WWOX: variants seen among roughly 807,000 people sequenced by gnomAD.
The protein encoded by WWOX is WW domain containing oxidoreductase.
WWOX carries 69 observed loss-of-function variants against 46.2 expected under a neutral mutation model. That is an observed-to-expected ratio of 1.49 (90% CI 1.23 to 1.82). The LOEUF is 1.82. Among genes scored for constraint, WWOX ranks in the 40% most tolerant of loss-of-function variants. WWOX has a pLI of 0.00. For synonymous variants in WWOX, 359 were observed against 202.6 expected (o/e 1.77, Z -6.56); for missense variants, 919 against 542.6 (o/e 1.69, Z -6.89).
At chr16:78,767,102 CTTCCTTCCTTCCTTCT>C (rs1176889935) in intron 8 of WWOX, among the ~76,000 whole-genome samples, 33 of 144,458 alleles carry the variant, frequency 2.3e-4, no homozygotes, top group Middle Eastern at 3.4e-3. Context: ...CCTTTCCTCC[CTTCCTTCCTTCCTTCT>C]TTCCTTCCTT....
At chr16:78,983,536 C>T (rs796305028) in intron 8 of WWOX, among the ~76,000 whole-genome samples, 1 of 152,280 alleles carries the variant, frequency 6.6e-6, no homozygotes, top group African/African-American at 2.4e-5. Context: ...GTTAAGATCT[C>T]AGAATGAGTT....
intron 4 of WWOX, among the ~76,000 whole-genome samples, chr16:78,152,358 TGCC>T (rs2034446198): frequency 6.6e-6 from 1 of 151,162 alleles, no homozygotes; most frequent in African/African-American, 2.4e-5. Flanking sequence ...TCGTAGATAA[TGCC>T]GTACTGAATA....
intron 6 of WWOX, among the ~76,000 whole-genome samples, chr16:78,390,273 C>T (rs964493934): frequency 2.6e-5 from 4 of 152,346 alleles, no homozygotes; most frequent in South Asian, 2.1e-4. Flanking sequence ...CCAACTGTTA[C>T]ATAATAGGAT....
intron 8 of WWOX, among the ~76,000 whole-genome samples, chr16:79,172,420 T>G (rs2050717565): frequency 2.0e-5 from 3 of 152,152 alleles, no homozygotes; most frequent in Admixed American, 2.0e-4. Context: ...GTGTTTCTGC[T>G]CTGGGCTGCA....
At chr16:78,531,897 C>T (rs899826674) in intron 8 of WWOX, among the ~76,000 whole-genome samples, 2 of 152,018 alleles carry the variant, frequency 1.3e-5, no homozygotes, top group Admixed American at 1.3e-4. Flanking sequence ...ATTGTTTAAA[C>T]CTGCCAACTA....
At chr16:78,834,817 C>G (rs975720015) in intron 8 of WWOX, among the ~76,000 whole-genome samples, 1 of 152,060 alleles carries the variant, frequency 6.6e-6, no homozygotes, top group Non-Finnish European at 1.5e-5. Context: ...AAAAATTATG[C>G]AATATATAAA....
chr16:78,929,776 A>G (rs908836382), intron 8 of WWOX, among the ~76,000 whole-genome samples: 2 of 152,194 alleles, frequency 1.3e-5, no homozygotes, highest in Non-Finnish European at 2.9e-5. Flanking sequence ...GTCCAAGGTG[A>G]CCAGAATCTG....
intron 5 of WWOX, among the ~76,000 whole-genome samples, chr16:78,385,062 A>C (rs1243910547): frequency 6.6e-6 from 1 of 151,608 alleles, no homozygotes; most frequent in Non-Finnish European, 1.5e-5. Context: ...TGAGCCCAGG[A>C]AGTGGAGGTT....
chr16:78,523,534 C>G (rs1303209281), intron 8 of WWOX, among the ~76,000 whole-genome samples: 1 of 152,224 alleles, frequency 6.6e-6, no homozygotes, highest in Non-Finnish European at 1.5e-5. Flanking sequence ...CTTGTACTCT[C>G]TATCTGGGTG....
At chr16:78,753,801 CAAAAAAAAAAAA>C (rs869066028) in intron 8 of WWOX, among the ~76,000 whole-genome samples, 1 of 29,124 alleles carries the variant, frequency 3.4e-5, no homozygotes, top group Admixed American at 7.1e-4. Context: ...GACCCTATAT[CAAAAAAAAAAAA>C]AAAAAAAAAA....
intron 8 of WWOX, among the ~76,000 whole-genome samples, chr16:78,827,831 C>T (rs1056913591): frequency 7.2e-5 from 11 of 152,020 alleles, no homozygotes; most frequent in Admixed American, 3.3e-4. Flanking sequence ...GCAAGCAAGA[C>T]ACCATTTCAG....
At chr16:78,487,814 G>C (rs1475547193) in intron 8 of WWOX, among the ~76,000 whole-genome samples, 1 of 152,090 alleles carries the variant, frequency 6.6e-6, no homozygotes, top group Non-Finnish European at 1.5e-5. Flanking sequence ...ATTGTTTTTA[G>C]CCCTCCTTTT....
intron 5 of WWOX, among the ~76,000 whole-genome samples, chr16:78,244,348 A>G (rs189994475): frequency 5.9e-4 from 89 of 150,066 alleles, no homozygotes; most frequent in Non-Finnish European, 1.1e-3. Flanking sequence ...GGCATATTTC[A>G]TGTATTGCCT....
chr16:78,372,610 G>T (rs75987133), intron 5 of WWOX, among the ~76,000 whole-genome samples: 1 of 152,108 alleles, frequency 6.6e-6, no homozygotes, highest in Non-Finnish European at 1.5e-5. Flanking sequence ...CTAGAGAAGG[G>T]TTACTCTCCT....
At chr16:79,173,224 C>G (rs1381928502) in intron 8 of WWOX, among the ~76,000 whole-genome samples, 3 of 152,168 alleles carry the variant, frequency 2.0e-5, no homozygotes, top group Non-Finnish European at 4.4e-5. Context: ...ACCTGCTCCC[C>G]TCCTGGGCCT....
At chr16:79,171,267 A>G (rs2050694523) in intron 8 of WWOX, among the ~76,000 whole-genome samples, 1 of 152,192 alleles carries the variant, frequency 6.6e-6, no homozygotes, top group African/African-American at 2.4e-5. Context: ...CTCTATAAGG[A>G]AGTATTCTGA....
chr16:78,765,774 G>C (rs2049912244), intron 8 of WWOX, among the ~76,000 whole-genome samples: 1 of 152,168 alleles, frequency 6.6e-6, no homozygotes, highest in Non-Finnish European at 1.5e-5. Context: ...AGAAAACAGA[G>C]GCAAAAATCA....
intron 8 of WWOX, among the ~76,000 whole-genome samples, chr16:78,836,308 C>G (rs1372390862): frequency 1.3e-5 from 2 of 152,052 alleles, no homozygotes; most frequent in African/African-American, 2.4e-5. Flanking sequence ...CAGGGCCACA[C>G]AAGGAGGTAA....
intron 8 of WWOX, among the ~76,000 whole-genome samples, chr16:78,884,272 C>G (rs78179669): frequency 1.3e-5 from 1 of 76,882 alleles, no homozygotes; most frequent in Non-Finnish European, 2.4e-5. Flanking sequence ...GACCCTGTCT[C>G]CAAAAAAAAA....
Sources: gnomAD v4.1 joint callset for allele counts (sites outside exome capture counted in the v4.1 genomes callset) on GRCh38, gnomAD v4.1.1 for gene constraint, MANE v1.5 for transcripts, NCBI Gene and HGNC (gene_info 2026-07-23, HGNC 2026-07-21) for gene names.